The following CTNNA2 variants were observed in gnomAD, a reference collection of about 807,000 sequenced individuals.
The protein encoded by CTNNA2 is catenin alpha 2, also known as catenin alpha-2.
Under a neutral mutation model 101.0 loss-of-function variants are expected in CTNNA2, and 42 were observed. The ratio of observed to expected loss-of-function variants is 0.42; its 90% CI spans 0.32 to 0.54. The LOEUF is 0.54. Among genes scored for constraint, CTNNA2 ranks in the 20% least tolerant of loss-of-function variants. CTNNA2 has a pLI of 0.14. For missense variants in CTNNA2, 871 were observed against 1,223.1 expected, an observed-to-expected ratio of 0.71 and a Z score of 4.29; for synonymous variants, 450 against 456.4, an observed-to-expected ratio of 0.99 and a Z score of 0.18.
intron 7 of CTNNA2, among the ~76,000 whole-genome samples, chr2:80,070,336 A>G (rs1427303114): frequency 6.6e-6 from 1 of 152,196 alleles, no homozygotes; most frequent in Non-Finnish European, 1.5e-5. Flanking sequence ...TGAGAAGTGT[A>G]TTAGTTTCCT....
rs528693584 is a variant in CTNNA2, at chr2:79,693,591, T to A, written c.102+41933T>A. 5.9e-5 allele frequency among the ~76,000 whole-genome samples: 9 copies of A among 152,058 alleles called. No homozygotes were observed. The East Asian group carries it at 1.7e-3, about 29-fold the overall frequency. On this transcript the variant is annotated intron_variant, in intron 2 of 18. Coordinates refer to ENST00000402739, the MANE Select transcript of CTNNA2 (RefSeq NM_001282597.3). Reference sequence around the variant, plus strand: ...AAGAGTGGGAAAATCACTGGAACAATGTCCTTGAAAACTTAGGGTGGGTAG... The same window carrying A: ...AAGAGTGGGAAAATCACTGGAACAAAGTCCTTGAAAACTTAGGGTGGGTAG...
chr2:79,855,339 G>A (rs887263339), intron 3 of CTNNA2, among the ~76,000 whole-genome samples: 8 of 152,044 alleles, frequency 5.3e-5, no homozygotes, highest in Non-Finnish European at 1.0e-4. Flanking sequence ...GCACTGACAC[G>A]TGTCACCCAT....
chr2:79,312,443 T>C (rs963609565), intron 2 of CTNNA2, among the ~76,000 whole-genome samples: 3 of 152,234 alleles, frequency 2.0e-5, no homozygotes, highest in African/African-American at 7.2e-5. Context: ...TTATTCTCAT[T>C]TTTCATTCAT....
intron 2 of CTNNA2, among the ~76,000 whole-genome samples, chr2:79,280,034 T>A: frequency 6.6e-6 from 1 of 152,162 alleles, no homozygotes. Context: ...TTTGCATGTC[T>A]TTGTTTTCTA....
At chr2:79,887,435 T>C (rs13414270) in intron 6 of CTNNA2, among the ~76,000 whole-genome samples, 54,490 of 152,092 alleles carry the variant, frequency 0.36, 10,324 homozygotes, top group East Asian at 0.66. Flanking sequence ...ATTTCAGTCA[T>C]TTTTTGGAAA....
chr2:80,053,497 G>C (rs1277067260), intron 7 of CTNNA2, among the ~76,000 whole-genome samples: 1 of 152,190 alleles, frequency 6.6e-6, no homozygotes, highest in Non-Finnish European at 1.5e-5. Context: ...AGGACTTAAG[G>C]CCATTTGTCC....
At chr2:80,595,809 C>T (rs1333567926) in intron 15 of CTNNA2, among the ~76,000 whole-genome samples, 1 of 152,076 alleles carries the variant, frequency 6.6e-6, no homozygotes, top group Non-Finnish European at 1.5e-5. Context: ...ATGCCTCCAG[C>T]TTTGTCCTTT....
chr2:79,886,115 T>C (rs1683840865), intron 6 of CTNNA2, among the ~76,000 whole-genome samples: 2 of 152,234 alleles, frequency 1.3e-5, no homozygotes, highest in African/African-American at 4.8e-5. Context: ...CTTACGTATA[T>C]AGTATCCACT....
chr2:80,582,270 A>G (rs1279313064), intron 14 of CTNNA2, among the ~76,000 whole-genome samples: 1 of 152,122 alleles, frequency 6.6e-6, no homozygotes, highest in African/African-American at 2.4e-5. Context: ...GCTCCATACA[A>G]TGGCCTATGT....
chr2:80,533,014 A>G (rs1690675809), intron 9 of CTNNA2, among the ~76,000 whole-genome samples: 1 of 152,158 alleles, frequency 6.6e-6, no homozygotes, highest in African/African-American at 2.4e-5. Context: ...GAGCCATGGG[A>G]GCCACAAGGA....
At chr2:79,870,034 C>A in intron 5 of CTNNA2, 99 bp downstream of exon 5, 1 of 1,424,372 alleles carries the variant, frequency 7.0e-7, no homozygotes, top group Non-Finnish European at 9.5e-7. Flanking sequence ...CATCTGCTTG[C>A]TATCAAATGC....
At chr2:80,436,144 T>C (rs1682005290) in intron 9 of CTNNA2, among the ~76,000 whole-genome samples, 1 of 152,152 alleles carries the variant, frequency 6.6e-6, no homozygotes, top group Admixed American at 6.6e-5. Flanking sequence ...TCATCGACAT[T>C]AGTGGCTTCG....
chr2:79,756,427 CAT>C (rs1404341574), intron 3 of CTNNA2, among the ~76,000 whole-genome samples: 3 of 152,006 alleles, frequency 2.0e-5, no homozygotes, highest in African/African-American at 7.2e-5. Context: ...ATAAAGAAAA[CAT>C]ACATTATCTG....
chr2:79,434,529 C>T (rs2104512951), intron 4 of CTNNA2, among the ~76,000 whole-genome samples: 1 of 152,274 alleles, frequency 6.6e-6, no homozygotes, highest in South Asian at 2.1e-4. Context: ...TGGACGCCAG[C>T]TGAGTCTGGT....
intron 9 of CTNNA2, among the ~76,000 whole-genome samples, chr2:80,440,652 T>C (rs1383925111): frequency 1.3e-5 from 2 of 152,108 alleles, no homozygotes; most frequent in African/African-American, 2.4e-5. Flanking sequence ...AGAAGGAAGA[T>C]AGAACTTTAT....
At chr2:79,747,649 A>G (rs188663234) in intron 3 of CTNNA2, among the ~76,000 whole-genome samples, 40 of 152,338 alleles carry the variant, frequency 2.6e-4, no homozygotes, top group Non-Finnish European at 3.4e-4. Context: ...TGAAGCTTAC[A>G]TGAAATTGTG....
intron 1 of CTNNA2, among the ~76,000 whole-genome samples, chr2:79,531,343 A>T (rs1672732386): frequency 6.6e-6 from 1 of 151,570 alleles, no homozygotes; most frequent in Non-Finnish European, 1.5e-5. Flanking sequence ...AGACAGTTTA[A>T]GTTTTAAATT....
intron 7 of CTNNA2, among the ~76,000 whole-genome samples, chr2:80,258,477 C>T (rs1672342988): frequency 6.6e-6 from 1 of 152,082 alleles, no homozygotes; most frequent in Non-Finnish European, 1.5e-5. Context: ...TTATGTCGCA[C>T]ACTGTGAGGG....
intron 9 of CTNNA2, among the ~76,000 whole-genome samples, chr2:80,443,886 C>T (rs1473990879): frequency 6.6e-6 from 1 of 152,126 alleles, no homozygotes; most frequent in Non-Finnish European, 1.5e-5. Context: ...TTTCCTGTGC[C>T]CTAGAGACCA....
Sources: gnomAD v4.1 joint callset for allele counts (sites outside exome capture counted in the v4.1 genomes callset) on GRCh38, gnomAD v4.1.1 for gene constraint, MANE v1.5 for transcripts, NCBI Gene and HGNC (gene_info 2026-07-23, HGNC 2026-07-21) for gene names.